SLC4A10: variants seen among roughly 807,000 people sequenced by gnomAD.
SLC4A10 encodes the protein solute carrier family 4 member 10.
In SLC4A10, 42 loss-of-function variants were observed where a neutral mutation model predicts 137.7. The observed-to-expected ratio is 0.30, with a 90% CI of 0.24 to 0.39. The LOEUF (loss-of-function observed/expected upper bound fraction) is 0.39. SLC4A10 is among the 10% of genes least tolerant of loss of function. The probability of loss-of-function intolerance (pLI) is 1.00; values close to 1 mark genes in which losing one functional copy is unlikely to be tolerated. For missense variants in SLC4A10, 925 were observed against 1,355.0 expected (o/e 0.68, Z 4.98); for synonymous variants, 474 against 464.1 (o/e 1.02, Z -0.27).
chr2:161,704,674 T>G (rs1197471219), intron 1 of SLC4A10, among the ~76,000 whole-genome samples: 2 of 151,700 alleles, frequency 1.3e-5, no homozygotes, highest in African/African-American at 4.8e-5. Context: ...ACAAATATAT[T>G]GGGATCTTGC....
intron 3 of SLC4A10, among the ~76,000 whole-genome samples, chr2:161,808,647 T>A (rs1021819325): frequency 6.6e-6 from 1 of 152,182 alleles, no homozygotes; most frequent in Non-Finnish European, 1.5e-5. Flanking sequence ...TAGCCCCACT[T>A]ATGAGTGAGA....
chr2:161,938,073 G>A (rs1415697873), intron 15 of SLC4A10, among the ~76,000 whole-genome samples: 2 of 152,084 alleles, frequency 1.3e-5, no homozygotes, highest in East Asian at 3.9e-4. Context: ...AGGAGTTAGA[G>A]GCCAGCTGGC....
chr2:161,777,802 G>C (rs1645269701), intron 2 of SLC4A10, among the ~76,000 whole-genome samples: 1 of 151,944 alleles, frequency 6.6e-6, no homozygotes, highest in Non-Finnish European at 1.5e-5. Context: ...ATGAGATCTG[G>C]GTGGGGACAC....
intron 15 of SLC4A10, among the ~76,000 whole-genome samples, chr2:161,916,885 T>A (rs1160582932): frequency 6.6e-6 from 1 of 152,256 alleles, no homozygotes; most frequent in South Asian, 2.1e-4. Context: ...AATTTACTTA[T>A]CTTTTTAAAG....
Position 161,862,896 on chromosome 2 carries a change from G to A in SLC4A10, c.600G>A (p.Val200=). 6.2e-7 allele frequency: 1 copy of A among 1,606,154 alleles called. No individual in the cohort carries two copies. The highest frequency in any genetic ancestry group is 8.5e-7 in the Non-Finnish European group (1 of 1,175,746). ...CAGATATGGTTCTTGACCAACAAGT[G>A]AGCTCAGGTCAGCTGAATGAAGATG... is the stretch of plus-strand genomic sequence containing the variant. The part of the protein sequence containing the change: ...EIADMVLDQQ[V]SSGQLNEDVR... The change falls in exon 6 of 27, where the codon GTG becomes GTA. Residue 200 remains valine, a synonymous_variant. Transcript: ENST00000446997.
intron 21 of SLC4A10, among the ~76,000 whole-genome samples, chr2:161,961,386 G>C (rs897633021): frequency 3.3e-5 from 5 of 152,150 alleles, no homozygotes; most frequent in Non-Finnish European, 7.4e-5. Flanking sequence ...CTGGGAGAGG[G>C]AGATGGTTGA....
At chr2:161,654,466 T>G (rs2105621296) in intron 1 of SLC4A10, among the ~76,000 whole-genome samples, 1 of 152,328 alleles carries the variant, frequency 6.6e-6, no homozygotes, top group Non-Finnish European at 1.5e-5. Context: ...TCAAGACCAG[T>G]GTCATGAAGC....
At chr2:161,879,514 TC>T (rs2061631638) in intron 9 of SLC4A10, among the ~76,000 whole-genome samples, 1 of 150,378 alleles carries the variant, frequency 6.6e-6, no homozygotes, top group Non-Finnish European at 1.5e-5. Context: ...GGCACATTCC[TC>T]ATCTCAAGGT....
intron 6 of SLC4A10, among the ~76,000 whole-genome samples, chr2:161,863,496 T>A (rs1354589457): frequency 6.6e-6 from 1 of 152,228 alleles, no homozygotes; most frequent in African/African-American, 2.4e-5. Flanking sequence ...TGGTTTCATG[T>A]TGCTCATAGT....
chr2:161,640,961 C>T (rs2035235602), intron 1 of SLC4A10, among the ~76,000 whole-genome samples: 1 of 152,122 alleles, frequency 6.6e-6, no homozygotes, highest in African/African-American at 2.4e-5. Context: ...ACCTGGCTCC[C>T]TTGTACATTA....
At chr2:161,654,028 C>T (rs1364753598) in intron 1 of SLC4A10, among the ~76,000 whole-genome samples, 1 of 152,174 alleles carries the variant, frequency 6.6e-6, no homozygotes, top group East Asian at 1.9e-4. Flanking sequence ...TCCAATTTCT[C>T]TATATCCTAA....
rs752435354 is a variant in SLC4A10, at chr2:161,905,819, G to A, written c.1929G>A (p.Lys643=). 57 of 1,613,856 alleles carry A rather than the reference G, an allele frequency of 3.5e-5. No homozygotes were observed. Among genetic ancestry groups the A allele is most frequent in the Admixed American group, 1.2e-4 (7 of 60,002 alleles). The part of the protein sequence containing the change: ...CIIFIYEALE[K]LFELSEAYPI... ...TTTTCATTTATGAGGCCCTGGAGAA[G>A]TTGTTTGAACTCAGTGAAGCATATC... The change falls in exon 15 of 27, where the codon AAG becomes AAA. Residue 643 remains lysine (K), a synonymous_variant. Transcript: ENST00000446997.
intron 10 of SLC4A10, among the ~76,000 whole-genome samples, chr2:161,888,736 G>T (rs2062590865): frequency 6.6e-6 from 1 of 151,568 alleles, no homozygotes; most frequent in South Asian, 2.1e-4. Flanking sequence ...CATCTGCAGA[G>T]ACAATTTGAG....
chr2:161,853,032 T>C (rs559190050), intron 4 of SLC4A10, among the ~76,000 whole-genome samples: 2 of 152,330 alleles, frequency 1.3e-5, no homozygotes, highest in East Asian at 1.9e-4. Context: ...CTTTGTGATA[T>C]TGAAATCATA....
chr2:161,727,308 CA>C (rs534069474), intron 1 of SLC4A10, among the ~76,000 whole-genome samples: 1 of 152,108 alleles, frequency 6.6e-6, no homozygotes, highest in Non-Finnish European at 1.5e-5. Context: ...GTGTTCCCCC[CA>C]AAAAACAACT....
At chr2:161,938,516 T>C (rs1692007012) in intron 15 of SLC4A10, among the ~76,000 whole-genome samples, 1 of 151,148 alleles carries the variant, frequency 6.6e-6, no homozygotes, top group African/African-American at 2.4e-5. Context: ...TTATAGATTA[T>C]ACATTATTAT....
intron 18 of SLC4A10, 123 bp from the exon 19 acceptor site, chr2:161,950,564 A>G: frequency 1.3e-6 from 1 of 778,328 alleles, no homozygotes; most frequent in Non-Finnish European, 2.0e-6. Context: ...ATTATTATTT[A>G]TTATAGGCCA....
At chr2:161,813,982 C>T (rs896451064) in intron 3 of SLC4A10, among the ~76,000 whole-genome samples, 1 of 152,064 alleles carries the variant, frequency 6.6e-6, no homozygotes, top group South Asian at 2.1e-4. Context: ...TTGATAGCTC[C>T]ACAGAAGGTT....
chr2:161,824,511 A>G (rs2057881461), intron 3 of SLC4A10, among the ~76,000 whole-genome samples: 1 of 152,224 alleles, frequency 6.6e-6, no homozygotes, highest in African/African-American at 2.4e-5. Flanking sequence ...AAAAGGTATC[A>G]GGATATGGAT....
Sources: allele counts gnomAD v4.1 joint callset (sites outside exome capture counted in the v4.1 genomes callset), GRCh38; gene constraint gnomAD v4.1.1; transcripts MANE v1.5; gene names NCBI Gene and HGNC (gene_info 2026-07-23, HGNC 2026-07-21).